SREK1IP1: variants seen among roughly 807,000 people sequenced by gnomAD.
SREK1IP1 encodes SREK1 interacting protein 1.
In SREK1IP1, 12 loss-of-function variants were observed where a neutral mutation model predicts 22.8. The observed-to-expected ratio is 0.53, with a 90% CI of 0.34 to 0.85. The LOEUF is 0.85. SREK1IP1 is among the 40% of genes least tolerant of loss of function. SREK1IP1 has a pLI of 0.02. For missense variants in SREK1IP1, 147 were observed against 171.8 expected, an observed-to-expected ratio of 0.86 and a Z score of 0.81; for synonymous variants, 53 against 52.7, an observed-to-expected ratio of 1.01 and a Z score of -0.02.
intron 2 of SREK1IP1, among the ~76,000 whole-genome samples, chr5:64,744,996 T>A (rs275820): frequency 1.3e-5 from 2 of 151,910 alleles, no homozygotes; most frequent in African/African-American, 4.8e-5. Flanking sequence ...CTGACTTTAC[T>A]TGAGGGGCTC....
chr5:64,733,177 T>G (rs1224271464), intron 3 of SREK1IP1, among the ~76,000 whole-genome samples: 3 of 152,066 alleles, frequency 2.0e-5, no homozygotes, highest in Non-Finnish European at 2.9e-5. Flanking sequence ...AAAGGAAAAC[T>G]GATCAATTGG....
chr5:64,745,862 A>G (rs6884024), intron 2 of SREK1IP1, among the ~76,000 whole-genome samples: 9,753 of 152,112 alleles, frequency 0.064, 1,039 homozygotes, highest in African/African-American at 0.22. Context: ...AGCCTAGGTA[A>G]TAACTGTGTT....
chr5:64,759,114 T>C (rs182266351), intron 1 of SREK1IP1, among the ~76,000 whole-genome samples: 15 of 152,316 alleles, frequency 9.8e-5, no homozygotes, highest in Admixed American at 8.5e-4. Flanking sequence ...GTAGCAGCCC[T>C]AACCAGGTTT....
At chr5:64,748,481 G>C (rs558755526) in intron 2 of SREK1IP1, among the ~76,000 whole-genome samples, 1 of 152,116 alleles carries the variant, frequency 6.6e-6, no homozygotes, top group Non-Finnish European at 1.5e-5. Flanking sequence ...GGCAAATTTT[G>C]TGTTATATAT....
At chr5:64,749,101 AATAAT>A (rs1561389109) in intron 2 of SREK1IP1, among the ~76,000 whole-genome samples, 9 of 144,046 alleles carry the variant, frequency 6.2e-5, no homozygotes, top group Middle Eastern at 3.6e-3. Context: ...TAATAATAAT[AATAAT>A]AAAAACCCTC....
chr5:64,724,062 T>C lies in SREK1IP1; in HGVS notation c.*322A>G. 1 of 188,478 alleles carries C rather than the reference T, an allele frequency of 5.3e-6. No homozygotes were observed. Among genetic ancestry groups the C allele is most frequent in the Non-Finnish European group, 1.1e-5 (1 of 92,362 alleles). The allele number at this position is 188,478 out of a possible 1,614,324, so 11.7% of individuals were successfully genotyped here. ...GGTAGATGACCCATGTTGATGGCAG[T>C]AAAGCCATTTTACAATGAACTTATG... On this transcript the variant is annotated 3_prime_UTR_variant, in exon 5 of 5. Transcript: ENST00000513458.
At chr5:64,754,189 T>C (rs890012257) in intron 2 of SREK1IP1, 126 bp downstream of exon 2, 5 of 805,696 alleles carry the variant, frequency 6.2e-6, no homozygotes, top group Admixed American at 4.8e-5. Flanking sequence ...TGTAACTAGA[T>C]GTTAGCTTAG....
In SREK1IP1 at chr5:64,722,906, C is replaced by T. The variant is rs981434216; in HGVS notation, c.*1478G>A. 9.9e-5 allele frequency: 15 copies of T among 152,218 alleles called. No individual in the cohort carries two copies. Among genetic ancestry groups the T allele is most frequent in the African/African-American group, 3.4e-4 (14 of 41,442 alleles). 9.4% of individuals were successfully genotyped at this position (152,218 alleles called of 1,614,324 possible). On this transcript the variant is annotated 3_prime_UTR_variant, in exon 5 of 5. Coordinates refer to ENST00000513458, the MANE Select transcript of SREK1IP1 (RefSeq NM_173829.4). ...ATTGGGTGCCAGGTGAAACAAGAAT[C>T]AGTAAACCTTTCTAGCCTGTGAGGT...
chr5:64,740,592 T>C (rs940224131), intron 3 of SREK1IP1, among the ~76,000 whole-genome samples: 1 of 152,186 alleles, frequency 6.6e-6, no homozygotes. Context: ...CGATCACTTG[T>C]ATACTTGAAA....
intron 1 of SREK1IP1, among the ~76,000 whole-genome samples, chr5:64,767,488 AC>A (rs990827513): frequency 6.7e-5 from 10 of 150,154 alleles, no homozygotes; most frequent in African/African-American, 2.4e-4. Flanking sequence ...CTCCAGATGT[AC>A]TCCTCCGCAA....
intron 1 of SREK1IP1, among the ~76,000 whole-genome samples, chr5:64,764,571 T>C (rs1743005078): frequency 6.6e-6 from 1 of 152,194 alleles, no homozygotes; most frequent in Non-Finnish European, 1.5e-5. Flanking sequence ...GTGCACTGCA[T>C]TCTCGCAGAG....
chr5:64,744,214 A>G (rs1002116985), intron 2 of SREK1IP1, among the ~76,000 whole-genome samples: 2 of 152,160 alleles, frequency 1.3e-5, no homozygotes, highest in Admixed American at 1.3e-4. Flanking sequence ...GTAGGGCACC[A>G]TGCATAAGAG....
chr5:64,746,116 T>C (rs1742631855), intron 2 of SREK1IP1, among the ~76,000 whole-genome samples: 1 of 152,218 alleles, frequency 6.6e-6, no homozygotes, highest in African/African-American at 2.4e-5. Context: ...GTCCATCCAG[T>C]GTGGAAAGAA....
rs1399744232 is a variant in SREK1IP1 at position 64,723,845 on chromosome 5, G to C, written c.*539C>G. The C allele has an allele frequency of 1.3e-5, 2 of 152,516 alleles. No homozygotes were observed. Among genetic ancestry groups the C allele is most frequent in the African/African-American group, 4.8e-5 (2 of 41,496 alleles). 9.4% of individuals were successfully genotyped at this position (152,516 alleles called of 1,614,324 possible). A position where few individuals can be genotyped will look rare whatever the true frequency, so the allele number is the denominator to read the frequency against. On this transcript the variant is annotated 3_prime_UTR_variant, in exon 5 of 5. Transcript: ENST00000513458. ...TCCTAGTCAAGACCATTAAGCAGCTGCATCTTCTACAACATTGAAAAAAAA... is the reference window on the plus strand; with the variant it reads ...TCCTAGTCAAGACCATTAAGCAGCTCCATCTTCTACAACATTGAAAAAAAA...
chr5:64,735,261 T>C (rs1742442491), intron 3 of SREK1IP1, among the ~76,000 whole-genome samples: 1 of 152,076 alleles, frequency 6.6e-6, no homozygotes, highest in Admixed American at 6.5e-5. Context: ...TATTATACTT[T>C]TTATATACTG....
chr5:64,746,524 G>C (rs1742639390), intron 2 of SREK1IP1, among the ~76,000 whole-genome samples: 2 of 152,084 alleles, frequency 1.3e-5, no homozygotes, highest in South Asian at 4.2e-4. Flanking sequence ...ATGAGCAAAG[G>C]CCTTGAATAG....
intron 1 of SREK1IP1, among the ~76,000 whole-genome samples, chr5:64,766,161 G>A (rs1743029299): frequency 6.6e-6 from 1 of 152,184 alleles, no homozygotes; most frequent in African/African-American, 2.4e-5. Context: ...CCAAATCATT[G>A]TCTTTGACTC....
intron 2 of SREK1IP1, among the ~76,000 whole-genome samples, chr5:64,746,805 T>C (rs1742645793): frequency 1.3e-5 from 2 of 152,120 alleles, no homozygotes; most frequent in African/African-American, 4.8e-5. Context: ...TAGCACAAGT[T>C]AAGGGCTCAG....
At chr5:64,747,617 C>T (rs1742662187) in intron 2 of SREK1IP1, among the ~76,000 whole-genome samples, 1 of 152,122 alleles carries the variant, frequency 6.6e-6, no homozygotes, top group East Asian at 1.9e-4. Context: ...AATGGTATAG[C>T]TGTTACGAAA....
Sources: allele counts gnomAD v4.1 joint callset (sites outside exome capture counted in the v4.1 genomes callset), GRCh38; gene constraint gnomAD v4.1.1; transcripts MANE v1.5; gene names NCBI Gene and HGNC (gene_info 2026-07-23, HGNC 2026-07-21).